Variants in RBM5 observed in about 807,000 individuals in gnomAD.
RBM5 encodes RNA binding motif protein 5, also known as RNA-binding protein 5.
In RBM5, 15 loss-of-function variants were observed where a neutral mutation model predicts 124.6. The observed-to-expected ratio is 0.12, with a 90% CI of 0.08 to 0.19. RBM5 has a LOEUF of 0.19. RBM5 is among the 10% of genes least tolerant of loss of function. The pLI, the probability that RBM5 is intolerant of heterozygous loss-of-function variation, is 1.00. For missense variants in RBM5, 580 were observed against 1,026.5 expected (o/e 0.57, Z 5.94); for synonymous variants, 337 against 361.2 (o/e 0.93, Z 0.76).
In RBM5 at chr3:50,105,577, C is replaced by G. The variant is rs2091013258; in HGVS notation, c.723C>G (p.His241Gln). The G allele has an allele frequency of 6.2e-7, 1 of 1,614,076 alleles. No homozygotes were observed. Among genetic ancestry groups the G allele is most frequent in the Non-Finnish European group, 8.5e-7 (1 of 1,180,034 alleles). Residue 241 changes from histidine (H) to glutamine (Q), a missense_variant, in exon 10 of 25, where the codon CAC becomes CAG. His to Gln is a conservative substitution (Grantham distance 24). Transcript: ENST00000347869. The stretch of plus-strand genomic sequence containing the variant: ...TCATTCTTCGGAACATAGCTCCGCA[C>G]ACTGTGGTGGATTCCATCATGACAG... ...DTIILRNIAPHTVVDSIMTAL... is the reference protein window; with the variant it reads ...DTIILRNIAPQTVVDSIMTAL...
chr3:50,116,868 C>T (rs1054641443), intron 22 of RBM5: 33 of 563,432 alleles, frequency 5.9e-5, no homozygotes, highest in Admixed American at 2.8e-4. Flanking sequence ...GCCCCTGGTT[C>T]CACACAATTC....
rs113634040 is a variant in RBM5, at chr3:50,092,142, C to T, written c.117C>T (p.Tyr39=). 5 of 1,614,008 alleles carry T rather than the reference C, an allele frequency of 3.1e-6. No individual in the cohort carries two copies. The highest frequency in any genetic ancestry group is 2.2e-5 in the East Asian group (1 of 44,882). ...GAAGCAGGCGGAGGGACTCAGATTA[C>T]AAAAGATCTAGTGATGATCGGAGGG... ...ESRSRRRDSD[Y]KRSSDDRRGD... The change falls in exon 3 of 25, where the codon TAC becomes TAT. Residue 39 remains tyrosine (Y), a synonymous_variant. Coordinates refer to ENST00000347869, the MANE Select transcript of RBM5 (RefSeq NM_005778.4).
intron 2 of RBM5, among the ~76,000 whole-genome samples, 170 bp downstream of exon 2, chr3:50,090,621 A>G (rs184717755): frequency 1.3e-4 from 20 of 152,376 alleles, no homozygotes; most frequent in Admixed American, 1.3e-3. Flanking sequence ...GAATTAAAGT[A>G]CTGTGTGAAC....
intron 20 of RBM5, chr3:50,114,494 T>A (rs1252513119): frequency 2.1e-5 from 10 of 484,284 alleles, no homozygotes. Context: ...TTTCATTGCA[T>A]CTGTGAGTGG....
At chr3:50,093,932 T>G in intron 4 of RBM5, 57 bp downstream of exon 4, 1 of 1,542,418 alleles carries the variant, frequency 6.5e-7, no homozygotes, top group Non-Finnish European at 8.9e-7. Context: ...ACTTTGAGCT[T>G]CTACCATTAT....
At chr3:50,118,159 C>A in intron 24 of RBM5, 172 bp from the exon 25 acceptor site, 2 of 877,810 alleles carry the variant, frequency 2.3e-6, no homozygotes, top group Non-Finnish European at 3.4e-6. Context: ...CATTTTATTC[C>A]TCCAGTCCTT....
Position 50,108,291 on chromosome 3 carries a change from A to C in RBM5, c.1179A>C (p.Ala393=). 1 of 1,610,270 alleles carries C rather than the reference A, an allele frequency of 6.2e-7. No individual in the cohort carries two copies. Among genetic ancestry groups the C allele is most frequent in the Non-Finnish European group, 8.5e-7 (1 of 1,176,394 alleles). ...QQQAGGLESD[A]SSASGTAVTT... ...AAGCTGGAGGATTGGAATCTGATGC[A>C]TCATCTGCATCAGGTAGTAAACTTC... The change falls in exon 14 of 25, where the codon GCA becomes GCC. Residue 393 remains alanine, a synonymous_variant. Coordinates refer to ENST00000347869, the MANE Select transcript of RBM5 (RefSeq NM_005778.4).
At chr3:50,099,360 TTC>T (rs140847565) in intron 4 of RBM5, among the ~76,000 whole-genome samples, 2 of 152,226 alleles carry the variant, frequency 1.3e-5, no homozygotes, top group Non-Finnish European at 2.9e-5. Flanking sequence ...ATGAGAAATG[TTC>T]TCTCTTTTTT....
chr3:50,106,669 T>C, intron 10 of RBM5, 98 bp from the exon 11 acceptor site: 1 of 869,210 alleles, frequency 1.2e-6, no homozygotes, highest in Non-Finnish European at 1.8e-6. Context: ...TAATTGCCTT[T>C]TATTTTTTAA....
intron 4 of RBM5, 56 bp downstream of exon 4, chr3:50,093,931 T>C (rs187137988): frequency 2.6e-6 from 4 of 1,544,302 alleles, no homozygotes; most frequent in African/African-American, 1.4e-5. Context: ...AACTTTGAGC[T>C]TCTACCATTA....
chr3:50,113,846 G>C, intron 18 of RBM5, 104 bp from the exon 19 acceptor site: 2 of 1,294,420 alleles, frequency 1.5e-6, no homozygotes, highest in Admixed American at 2.3e-5. Context: ...AGAGTAAAAG[G>C]GGTTTGTTAC....
intron 6 of RBM5, chr3:50,101,175 C>T (rs1388117612): frequency 6.6e-6 from 1 of 152,164 alleles, no homozygotes; most frequent in East Asian, 1.9e-4. Flanking sequence ...ACATTCTAAT[C>T]TCCTTGAGAA....
chr3:50,106,925 A>C, intron 11 of RBM5, 61 bp downstream of exon 11: 1 of 1,341,542 alleles, frequency 7.5e-7, no homozygotes, highest in Non-Finnish European at 1.1e-6. Flanking sequence ...ACAGTGTGCT[A>C]ACTGAACGCC....
intron 2 of RBM5, among the ~76,000 whole-genome samples, chr3:50,091,525 C>T (rs911175281): frequency 6.6e-6 from 1 of 152,218 alleles, no homozygotes; most frequent in African/African-American, 2.4e-5. Flanking sequence ...CCAGTTGTAT[C>T]TGACAGACAA....
At chr3:50,096,639 G>T (rs2090821307) in intron 4 of RBM5, among the ~76,000 whole-genome samples, 1 of 148,924 alleles carries the variant, frequency 6.7e-6, no homozygotes, top group Non-Finnish European at 1.5e-5. Context: ...GCATAGGCTG[G>T]AGTGCAATCG....
chr3:50,100,803 A>G lies in RBM5; in HGVS notation c.483+198A>G, dbSNP rs1038326976. On this transcript the variant is annotated intron_variant, in intron 6 of 24. Coordinates refer to ENST00000347869, the MANE Select transcript of RBM5 (RefSeq NM_005778.4). This position sits in a 1 kb window ranked among gnomAD's most constrained non-coding sequence, Gnocchi z 5.1. ...TATAGAATTTGTTCTGCCTTTAAACATGGCTACCTACCTGGCAGGGCTTTG... is the reference window on the plus strand; with the variant it reads ...TATAGAATTTGTTCTGCCTTTAAACGTGGCTACCTACCTGGCAGGGCTTTG... The G allele has an allele frequency of 8.8e-6, 4 of 454,860 alleles. No individual in the cohort carries two copies. Among genetic ancestry groups the G allele is most frequent in the Non-Finnish European group, 1.6e-5 (4 of 256,258 alleles). 28.2% of individuals were successfully genotyped at this position (454,860 alleles called of 1,614,324 possible).
At chr3:50,096,197 A>G (rs1052569777) in intron 4 of RBM5, among the ~76,000 whole-genome samples, 1 of 152,180 alleles carries the variant, frequency 6.6e-6, no homozygotes, top group East Asian at 1.9e-4. Context: ...CAGAATAGAA[A>G]GGGGTCAGAG....
At chr3:50,090,635 C>G (rs1185764983) in intron 2 of RBM5, among the ~76,000 whole-genome samples, 184 bp downstream of exon 2, 1 of 152,170 alleles carries the variant, frequency 6.6e-6, no homozygotes, top group Non-Finnish European at 1.5e-5. Flanking sequence ...TGTGAACATG[C>G]TGTGATAAAG....
At chr3:50,118,052 C>CCTCTG in intron 24 of RBM5, 1 of 474,852 alleles carries the variant, frequency 2.1e-6, no homozygotes, top group South Asian at 2.6e-5. Flanking sequence ...CCCAGACCTT[C>CCTCTG]AGAGGAATAC....
Sources: allele counts gnomAD v4.1 joint callset (sites outside exome capture counted in the v4.1 genomes callset), GRCh38; gene constraint gnomAD v4.1.1; non-coding constraint Gnocchi (gnomAD v3.1); transcripts MANE v1.5; gene names NCBI Gene and HGNC (gene_info 2026-07-23, HGNC 2026-07-21).